The following NUAK1 variants were observed in gnomAD, a reference collection of about 807,000 sequenced individuals.
The protein encoded by NUAK1 is NUAK family kinase 1, also known as NUAK family SNF1-like kinase 1.
A neutral mutation model predicts 56.9 loss-of-function variants in NUAK1; 26 were observed. The ratio of observed to expected loss-of-function variants is 0.46; its 90% CI spans 0.33 to 0.63. NUAK1 has a LOEUF of 0.63. NUAK1 is among the 30% of genes least tolerant of loss of function. The pLI, the probability that NUAK1 is intolerant of heterozygous loss-of-function variation, is 0.02. For synonymous variants in NUAK1, 337 were observed against 336.0 expected, an observed-to-expected ratio of 1.00 and a Z score of -0.03; for missense variants, 727 against 876.1, an observed-to-expected ratio of 0.83 and a Z score of 2.15.
chr12:106,082,591 C>A (rs1170957047), intron 4 of NUAK1, among the ~76,000 whole-genome samples: 1 of 152,210 alleles, frequency 6.6e-6, no homozygotes, highest in Non-Finnish European at 1.5e-5. Context: ...ATAGACCCTG[C>A]GATTCCACTT....
At position 106,067,023 on chromosome 12, in the gene NUAK1, G is replaced by A; in HGVS notation, c.1765C>T (p.Gln589Ter). ...SSDSFDLLDLQENRPARQRIR... is the reference protein window; with the variant it reads ...SSDSFDLLDL ...CGCTGGCGGGCAGGGCGATTCTCCT[G>A]CAAATCCAGCAAGTCAAAAGAGTCG... Residue 589 changes from glutamine (Q) to a stop codon, truncating the protein, a stop_gained, in exon 7 of 7, where the codon CAG becomes TAG. Coordinates refer to ENST00000261402, the MANE Select transcript of NUAK1 (RefSeq NM_014840.3). LOFTEE classifies it high-confidence loss of function. This position sits in a 1 kb window ranked among gnomAD's most constrained non-coding sequence, Gnocchi z 6.0. 1 of 1,614,220 alleles carries A rather than the reference G, an allele frequency of 6.2e-7. No homozygotes were observed. The highest frequency in any genetic ancestry group is 8.5e-7 in the Non-Finnish European group (1 of 1,180,044).
chr12:106,107,877 C>A (rs2032818137), intron 1 of NUAK1, among the ~76,000 whole-genome samples: 1 of 152,174 alleles, frequency 6.6e-6, no homozygotes, highest in African/African-American at 2.4e-5. Flanking sequence ...ACTAGCAGCT[C>A]CTGGGATTTC....
Position 106,067,117 on chromosome 12 carries a change from AG to A in NUAK1, c.1670del (p.Pro557LeufsTer69). On this transcript the variant is annotated frameshift_variant, in exon 7 of 7. Transcript: ENST00000261402. LOFTEE classifies it high-confidence loss of function. This position sits in a 1 kb window ranked among gnomAD's most constrained non-coding sequence, Gnocchi z 6.0. Reference sequence around the variant, plus strand: ...TGTAGCTCCGGGAGAGGCCCTCGGCAGGGACACCAGGCTCTGACAGGGATTC... The same window carrying A: ...TGTAGCTCCGGGAGAGGCCCTCGGCAGGACACCAGGCTCTGACAGGGATTC... ...TLESLSEPGV[P>X]AEGLSRSYSR... 1 of 1,614,230 alleles carries A rather than the reference AG, an allele frequency of 6.2e-7. No individual in the cohort carries two copies. The highest frequency in any genetic ancestry group is 8.5e-7 in the Non-Finnish European group (1 of 1,180,034).
At chr12:106,084,252 ATCCC>A (rs1453390810) in intron 3 of NUAK1, among the ~76,000 whole-genome samples, 1 of 152,174 alleles carries the variant, frequency 6.6e-6, no homozygotes, top group Non-Finnish European at 1.5e-5. Flanking sequence ...AAGCAATATA[ATCCC>A]AGGCAGCAGC....
chr12:106,067,118 G>C lies in NUAK1; in HGVS notation c.1670C>G (p.Pro557Arg). ...TLESLSEPGV[P>R]AEGLSRSYSR... is the part of the protein sequence containing the mutation. ...GTAGCTCCGGGAGAGGCCCTCGGCA[G>C]GGACACCAGGCTCTGACAGGGATTC... is the stretch of plus-strand genomic sequence containing the variant. The change falls in exon 7 of 7, where the codon CCT (proline) becomes CGT (arginine). Residue 557 changes from proline to arginine, a missense_variant. Physicochemically the swap from Pro to Arg is moderately radical, Grantham distance 103. Coordinates refer to ENST00000261402, the MANE Select transcript of NUAK1 (RefSeq NM_014840.3). This position sits in a 1 kb window ranked among gnomAD's most constrained non-coding sequence, Gnocchi z 6.0. The C allele has an allele frequency of 6.2e-7, 1 of 1,614,240 alleles. No individual in the cohort carries two copies. Among genetic ancestry groups the C allele is most frequent in the Non-Finnish European group, 8.5e-7 (1 of 1,180,044 alleles).
chr12:106,092,834 C>G (rs551767729), intron 2 of NUAK1, among the ~76,000 whole-genome samples: 46 of 152,310 alleles, frequency 3.0e-4, no homozygotes, highest in Non-Finnish European at 5.9e-4. Flanking sequence ...CGCCATGACT[C>G]TCCACCCCCT....
At chr12:106,073,611 A>C (rs2032429197) in intron 4 of NUAK1, among the ~76,000 whole-genome samples, 1 of 152,166 alleles carries the variant, frequency 6.6e-6, no homozygotes, top group African/African-American at 2.4e-5. Flanking sequence ...TGAGGTCAAG[A>C]ATTCGAGACC....
intron 2 of NUAK1, among the ~76,000 whole-genome samples, chr12:106,090,538 G>T (rs567445157): frequency 1.3e-5 from 2 of 152,262 alleles, no homozygotes; most frequent in Admixed American, 1.3e-4. Context: ...GGGGCGACAA[G>T]GTGAATAATA....
intron 4 of NUAK1, among the ~76,000 whole-genome samples, chr12:106,073,301 C>T (rs60942833): frequency 0.12 from 18,587 of 152,146 alleles, 1,722 homozygotes; most frequent in East Asian, 0.5. Flanking sequence ...GCGGAAAAAC[C>T]CTGACCTACA....
chr12:106,076,014 T>C (rs757900311), intron 4 of NUAK1, among the ~76,000 whole-genome samples: 5 of 152,222 alleles, frequency 3.3e-5, no homozygotes, highest in Admixed American at 2.6e-4. Context: ...CTTTTTCAAA[T>C]AGACAGAACT....
At chr12:106,122,483 T>C (rs910650449) in intron 1 of NUAK1, among the ~76,000 whole-genome samples, 4 of 152,208 alleles carry the variant, frequency 2.6e-5, no homozygotes, top group Admixed American at 2.6e-4. Flanking sequence ...CTGACATGCT[T>C]AGACTATCGC....
rs557209471 is a variant in NUAK1, at chr12:106,072,638, T to A, written c.699+86A>T. The A allele has an allele frequency of 1.0e-5, 15 of 1,428,678 alleles. No individual in the cohort carries two copies. The East Asian group carries it at 2.8e-4, about 27-fold the overall frequency. 88.5% of individuals were successfully genotyped at this position (1,428,678 alleles called of 1,614,324 possible). A position where few individuals can be genotyped will look rare whatever the true frequency, so the allele number is the denominator to read the frequency against. ...CTGGCTTTTTTAGGCTCTGTTTTTT[T>A]AAGCATTTCTCGAATCCAGTTTTTG... On this transcript the variant is annotated intron_variant, in intron 5 of 6. Coordinates refer to ENST00000261402, the MANE Select transcript of NUAK1 (RefSeq NM_014840.3).
chr12:106,067,997 G>A lies in NUAK1; in HGVS notation c.833-42C>T. 1.3e-6 allele frequency: 2 copies of A among 1,551,026 alleles called. No individual in the cohort carries two copies. Among genetic ancestry groups the A allele is most frequent in the Non-Finnish European group, 1.7e-6 (2 of 1,146,976 alleles). On this transcript the variant is annotated intron_variant, in intron 6 of 6. Transcript: ENST00000261402. The surrounding 1 kb of genome is among the most constrained non-coding windows in gnomAD (Gnocchi z 6.0). Reference sequence around the variant, plus strand: ...AAAAAGAATCGGGCATTATGTGGGAGCTTCTGGCTTTGTGATAGTGGGACC... The same window carrying A: ...AAAAAGAATCGGGCATTATGTGGGAACTTCTGGCTTTGTGATAGTGGGACC...
At chr12:106,104,469 C>G (rs1214284352) in intron 2 of NUAK1, among the ~76,000 whole-genome samples, 2 of 152,152 alleles carry the variant, frequency 1.3e-5, no homozygotes, top group Non-Finnish European at 2.9e-5. Context: ...GTGCTTAACA[C>G]GAAGTAGACA....
At chr12:106,124,297 T>A (rs1188348151) in intron 1 of NUAK1, among the ~76,000 whole-genome samples, 1 of 150,766 alleles carries the variant, frequency 6.6e-6, no homozygotes, top group African/African-American at 2.5e-5. Flanking sequence ...AAAATGGGAT[T>A]TTTTCCTGGA....
At chr12:106,121,303 C>T (rs2032971858) in intron 1 of NUAK1, among the ~76,000 whole-genome samples, 1 of 152,228 alleles carries the variant, frequency 6.6e-6, no homozygotes, top group Admixed American at 6.5e-5. Context: ...AACTGCATCA[C>T]TTAGTGTATC....
At chr12:106,110,486 C>A (rs533723080) in intron 1 of NUAK1, among the ~76,000 whole-genome samples, 1 of 152,144 alleles carries the variant, frequency 6.6e-6, no homozygotes, top group East Asian at 1.9e-4. Context: ...CCCGGCATTG[C>A]GGAGGAAACC....
chr12:106,093,985 T>TC (rs1179541273), intron 2 of NUAK1, among the ~76,000 whole-genome samples: 6 of 151,920 alleles, frequency 3.9e-5, no homozygotes, highest in Admixed American at 1.3e-4. Flanking sequence ...TTTTTTTTTT[T>TC]CTTGGTAGAG....
chr12:106,126,444 A>G (rs1399311980), intron 1 of NUAK1, among the ~76,000 whole-genome samples: 5 of 152,230 alleles, frequency 3.3e-5, no homozygotes, highest in African/African-American at 1.2e-4. Flanking sequence ...CATGGGTTGT[A>G]TTCCTGCCAT....
Sources: gnomAD v4.1 joint callset for allele counts (sites outside exome capture counted in the v4.1 genomes callset) on GRCh38, gnomAD v4.1.1 for gene constraint, Gnocchi (gnomAD v3.1) non-coding constraint, MANE v1.5 for transcripts, NCBI Gene and HGNC (gene_info 2026-07-23, HGNC 2026-07-21) for gene names.